Variants in MYO16 observed in about 807,000 individuals in gnomAD.
The protein encoded by MYO16 is myosin XVI, also known as unconventional myosin-XVI.
Under a neutral mutation model 205.3 loss-of-function variants are expected in MYO16, and 94 were observed. The observed-to-expected ratio is 0.46, with a 90% CI of 0.39 to 0.54. The LOEUF is 0.54. MYO16 is among the 20% of genes least tolerant of loss of function. The pLI, the probability that MYO16 is intolerant of heterozygous loss-of-function variation, is 0.00. For missense variants in MYO16, 2,315 were observed against 2,387.5 expected (o/e 0.97, Z 0.63); for synonymous variants, 988 against 954.0 (o/e 1.04, Z -0.66).
intron 23 of MYO16, among the ~76,000 whole-genome samples, chr13:109,022,889 T>C (rs1383794625): frequency 7.4e-6 from 1 of 136,034 alleles, no homozygotes; most frequent in African/African-American, 2.7e-5. Flanking sequence ...ATTTATTATA[T>C]ATACACATGT....
At chr13:108,754,061 C>T (rs1170266932) in intron 4 of MYO16, among the ~76,000 whole-genome samples, 2 of 152,214 alleles carry the variant, frequency 1.3e-5, no homozygotes, top group Non-Finnish European at 2.9e-5. Context: ...TGTCACAGCA[C>T]TCAGCTATAG....
At chr13:108,509,251 CA>C in the MYO16 span, among the ~76,000 whole-genome samples, 5 of 116,248 alleles carry the variant, frequency 4.3e-5, no homozygotes. Context: ...TATCAACTTG[CA>C]CAGTATGATA....
At chr13:108,551,733 CT>C in the MYO16 span, among the ~76,000 whole-genome samples, 923 of 152,244 alleles carry the variant, frequency 6.1e-3, 14 homozygotes, top group African/African-American at 0.021. Context: ...TAATCCATAG[CT>C]ATTTCTCTCA....
intron 31 of MYO16, among the ~76,000 whole-genome samples, chr13:109,132,973 C>G (rs868199001): frequency 6.6e-6 from 1 of 152,048 alleles, no homozygotes; most frequent in Non-Finnish European, 1.5e-5. Flanking sequence ...GTGGAAACTG[C>G]GAAAGGCTCA....
intron 2 of MYO16, among the ~76,000 whole-genome samples, chr13:108,692,029 C>T (rs1175367772): frequency 6.6e-6 from 1 of 152,196 alleles, no homozygotes; most frequent in Non-Finnish European, 1.5e-5. Context: ...AAAGACATCA[C>T]TTCCAATAAC....
chr13:108,965,025 A>T, intron 20 of MYO16, 123 bp downstream of exon 20: 2 of 1,039,286 alleles, frequency 1.9e-6, no homozygotes, highest in Non-Finnish European at 2.7e-6. Flanking sequence ...AATATATTTT[A>T]TTTTAACAAG....
chr13:109,199,320 A>G (rs1370688779), intron 34 of MYO16, among the ~76,000 whole-genome samples: 1 of 149,118 alleles, frequency 6.7e-6, no homozygotes, highest in East Asian at 2.0e-4. Context: ...AAGCTCCTTG[A>G]AAAGCAGCTC....
At chr13:108,911,065 A>ACACACACC (rs1881239083) in intron 16 of MYO16, among the ~76,000 whole-genome samples, 1 of 110,892 alleles carries the variant, frequency 9.0e-6, no homozygotes, top group Non-Finnish European at 1.9e-5. Flanking sequence ...ACACACACAC[A>ACACACACC]CAGAGAGAGA....
the MYO16 span, among the ~76,000 whole-genome samples, chr13:108,542,360 A>G: frequency 6.6e-6 from 1 of 152,300 alleles, no homozygotes; most frequent in East Asian, 1.9e-4. Context: ...AAAAACTGTC[A>G]GGTAATATGC....
chr13:108,847,320 A>G (rs1877573546), intron 10 of MYO16, among the ~76,000 whole-genome samples: 1 of 152,194 alleles, frequency 6.6e-6, no homozygotes, highest in Non-Finnish European at 1.5e-5. Flanking sequence ...TGGCAGCTAC[A>G]CAGGCTTTAT....
intron 2 of MYO16, 81 bp from the exon 3 acceptor site, chr13:108,712,580 A>G (rs1372876216): frequency 2.4e-6 from 3 of 1,225,984 alleles, no homozygotes; most frequent in African/African-American, 3.0e-5. Context: ...CATTTTAGAT[A>G]TTAACGAAAG....
At chr13:109,185,503 C>T (rs911087553) in intron 34 of MYO16, among the ~76,000 whole-genome samples, 2 of 152,038 alleles carry the variant, frequency 1.3e-5, no homozygotes, top group African/African-American at 4.8e-5. Flanking sequence ...ATTGTAGATG[C>T]TATCCAAAAT....
rs1182913154 is a variant in MYO16, at chr13:108,663,214, A to G, written c.29-2672A>G. ...ATCTGGAGCTAAAATTCACAATGCA[A>G]GCCTCTACATGCTGCTCTGTCCGCA... On this transcript the variant is annotated intron_variant, in intron 1 of 34. Transcript: ENST00000457511. Among the ~76,000 whole-genome samples, 3 of 152,122 alleles carry G rather than the reference A, an allele frequency of 2.0e-5. No individual in the cohort carries two copies. In the East Asian group the frequency reaches 5.8e-4, roughly 29 times the overall value.
intron 32 of MYO16, among the ~76,000 whole-genome samples, chr13:109,156,198 G>T (rs1301769643): frequency 6.6e-6 from 1 of 152,172 alleles, no homozygotes; most frequent in Non-Finnish European, 1.5e-5. Context: ...AGGTCGAAGT[G>T]CTTGTATCCA....
At chr13:108,718,456 C>T (rs1485370151) in intron 3 of MYO16, among the ~76,000 whole-genome samples, 1 of 151,692 alleles carries the variant, frequency 6.6e-6, no homozygotes, top group Non-Finnish European at 1.5e-5. Flanking sequence ...ACTCCACATC[C>T]TCCAAGGACC....
chr13:108,899,196 G>A (rs886240320), intron 15 of MYO16, among the ~76,000 whole-genome samples: 3 of 152,158 alleles, frequency 2.0e-5, no homozygotes, highest in Non-Finnish European at 4.4e-5. Flanking sequence ...GGCCGAGGCG[G>A]GTGGATTTCC....
chr13:108,506,534 C>T, the MYO16 span, among the ~76,000 whole-genome samples: 3,654 of 145,416 alleles, frequency 0.025, 127 homozygotes, highest in South Asian at 0.1. Flanking sequence ...TTAGTGATTT[C>T]ATTTATTAGT....
At chr13:108,541,608 A>G in the MYO16 span, among the ~76,000 whole-genome samples, 1 of 151,998 alleles carries the variant, frequency 6.6e-6, no homozygotes, top group Admixed American at 6.6e-5. Flanking sequence ...TTTTCATTAT[A>G]CTGAAAATTT....
intron 1 of MYO16, among the ~76,000 whole-genome samples, chr13:108,659,202 G>C (rs977633800): frequency 1.4e-5 from 2 of 147,410 alleles, no homozygotes; most frequent in African/African-American, 5.0e-5. Context: ...ATATATATGT[G>C]TGTGTGTGTG....
Sources: gnomAD v4.1 joint callset for allele counts (sites outside exome capture counted in the v4.1 genomes callset) on GRCh38, gnomAD v4.1.1 for gene constraint, MANE v1.5 for transcripts, NCBI Gene and HGNC (gene_info 2026-07-23, HGNC 2026-07-21) for gene names.